The following ZNF469 variants were observed in gnomAD, a reference collection of about 807,000 sequenced individuals.
ZNF469 encodes zinc finger protein 469.
Under a neutral mutation model 1.0 loss-of-function variants are expected in ZNF469, and 1 was observed. The observed-to-expected ratio is 1.00, with a 90% CI of 0.35 to 4.73. ZNF469 has a LOEUF of 4.73. Ranked by LOEUF, ZNF469 falls within the 30% of genes most tolerant of loss-of-function variation. ZNF469 has a pLI of 0.16. For missense variants in ZNF469, 6,100 were observed against 5,356.3 expected (o/e 1.14, Z -4.33); for synonymous variants, 2,703 against 2,363.4 (o/e 1.14, Z -4.17).
chr16:88,148,837 A>G, the ZNF469 span, among the ~76,000 whole-genome samples: 27 of 152,258 alleles, frequency 1.8e-4, no homozygotes, highest in South Asian at 1.9e-3. Flanking sequence ...GGAGCTGAGC[A>G]TCCCCTTGTG....
chr16:88,390,158 C>T lies in ZNF469; in HGVS notation c.-192+6904C>T, dbSNP rs187229136. 9.5e-3 allele frequency among the ~76,000 whole-genome samples: 1,447 copies of T among 152,338 alleles called. 15 individuals carry two copies. The highest frequency in any genetic ancestry group is 0.016 in the Non-Finnish European group (1,107 of 68,020). On this transcript the variant is annotated intron_variant, in intron 1 of 2. Transcript: ENST00000565624. ...TGACTCCGGGAAACCCAGGACATCC[C>T]TGTGCTCTCCAGGCAGAGGGGCTCA...
At chr16:88,368,637 G>T in the ZNF469 span, among the ~76,000 whole-genome samples, 8 of 152,080 alleles carry the variant, frequency 5.3e-5, 1 homozygote, top group African/African-American at 9.6e-5. Context: ...GGTGTGGCTG[G>T]GAGGACATAG....
chr16:88,391,778 C>T (rs895631988), intron 1 of ZNF469, among the ~76,000 whole-genome samples: 37 of 152,340 alleles, frequency 2.4e-4, no homozygotes, highest in African/African-American at 7.9e-4. Flanking sequence ...CTGAACTTTT[C>T]TGTAACATCT....
the ZNF469 span, among the ~76,000 whole-genome samples, chr16:88,155,897 G>A: frequency 7.2e-5 from 11 of 152,298 alleles, no homozygotes; most frequent in East Asian, 1.9e-4. Context: ...TCATCGCCAC[G>A]TTCTCATCAG....
At chr16:88,296,376 A>G in the ZNF469 span, among the ~76,000 whole-genome samples, 1 of 152,060 alleles carries the variant, frequency 6.6e-6, no homozygotes, top group Non-Finnish European at 1.5e-5. Context: ...TCATGCACAC[A>G]TACACAGGTG....
the ZNF469 span, among the ~76,000 whole-genome samples, chr16:88,355,753 GGCGACA>G: frequency 6.6e-6 from 1 of 152,208 alleles, no homozygotes; most frequent in African/African-American, 2.4e-5. Flanking sequence ...GACCCAGCAT[GGCGACA>G]GCTCTGCAGA....
chr16:88,380,961 CAGACATGCACTCACACAT>C (rs2092521503), upstream of ZNF469, among the ~76,000 whole-genome samples: 1 of 146,934 alleles, frequency 6.8e-6, no homozygotes, highest in Non-Finnish European at 1.5e-5. Context: ...CCCTCACACA[CAGACATGCACTCACACAT>C]ATGCACTCAC....
At chr16:88,376,325 C>T in the ZNF469 span, among the ~76,000 whole-genome samples, 3 of 152,236 alleles carry the variant, frequency 2.0e-5, no homozygotes, top group Admixed American at 1.3e-4. Context: ...AGTGGCGATT[C>T]GGACTGCGGA....
chr16:88,376,477 G>C, the ZNF469 span, among the ~76,000 whole-genome samples: 1 of 152,146 alleles, frequency 6.6e-6, no homozygotes, highest in African/African-American at 2.4e-5. Context: ...CATTCCTTGG[G>C]CCCAGCCCGG....
Position 88,433,099 on chromosome 16 carries a change from C to T in ZNF469, c.5629C>T (p.Pro1877Ser), listed in dbSNP as rs1417157166. 1.3e-6 allele frequency: 2 copies of T among 1,550,320 alleles called. No individual in the cohort carries two copies. Among genetic ancestry groups the T allele is most frequent in the East Asian group, 4.9e-5 (2 of 40,916 alleles). Residue 1877 changes from proline to serine, a missense_variant, in exon 3 of 3, where the codon CCT (proline) becomes TCT (serine). Physicochemically the swap from Pro to Ser is moderately conservative, Grantham distance 74. Coordinates refer to ENST00000565624, the MANE Select transcript of ZNF469 (RefSeq NM_001367624.2). ...CCGGGGCAGGGAGGCTTGGTTGGTC[C>T]CTGTGCCAAGTCCCGCCTGTGTATC... ...APRGREAWLV[P>S]VPSPACVSNT... is the part of the protein sequence containing the mutation.
the ZNF469 span, among the ~76,000 whole-genome samples, chr16:88,140,762 C>T: frequency 6.6e-6 from 1 of 152,032 alleles, no homozygotes; most frequent in Middle Eastern, 3.2e-3. Context: ...CGAAACCCCA[C>T]CTCTACTAAA....
the ZNF469 span, among the ~76,000 whole-genome samples, chr16:88,369,477 TGAG>T: frequency 6.6e-6 from 1 of 152,132 alleles, no homozygotes; most frequent in Non-Finnish European, 1.5e-5. Context: ...CCAAGCCACA[TGAG>T]GAGAATATGG....
chr16:88,196,038 G>T, the ZNF469 span, among the ~76,000 whole-genome samples: 6 of 152,208 alleles, frequency 3.9e-5, no homozygotes, highest in African/African-American at 1.4e-4. Flanking sequence ...GTAATGTTCT[G>T]TTTTTCCTGG....
the ZNF469 span, among the ~76,000 whole-genome samples, chr16:88,204,206 T>C: frequency 4.1e-5 from 6 of 147,038 alleles, no homozygotes; most frequent in Admixed American, 1.4e-4. Context: ...CGTAACCTCA[T>C]AGAGAAGCGG....
chr16:88,232,325 C>A, the ZNF469 span, among the ~76,000 whole-genome samples: 1 of 152,146 alleles, frequency 6.6e-6, no homozygotes, highest in Non-Finnish European at 1.5e-5. Flanking sequence ...TAAAAACCTC[C>A]CCCACCCAAT....
chr16:88,382,172 G>A (rs2092526999), upstream of ZNF469, among the ~76,000 whole-genome samples: 1 of 152,252 alleles, frequency 6.6e-6, no homozygotes, highest in Non-Finnish European at 1.5e-5. Context: ...CCTGCCCTTG[G>A]AGGAGGCCCA....
the ZNF469 span, among the ~76,000 whole-genome samples, chr16:88,333,111 C>T: frequency 1.3e-5 from 2 of 152,236 alleles, no homozygotes; most frequent in Non-Finnish European, 1.5e-5. Flanking sequence ...CATGTGCCCA[C>T]TGCCCATGCT....
the ZNF469 span, among the ~76,000 whole-genome samples, chr16:88,192,500 G>C: frequency 1.3e-5 from 2 of 152,184 alleles, no homozygotes; most frequent in Non-Finnish European, 1.5e-5. Flanking sequence ...GGGGTCACAA[G>C]TGTCTCTACA....
At chr16:88,425,020 C>T (rs1905639769) in intron 2 of ZNF469, among the ~76,000 whole-genome samples, 149 bp downstream of exon 2, 1 of 152,150 alleles carries the variant, frequency 6.6e-6, no homozygotes, top group African/African-American at 2.4e-5. Flanking sequence ...AGAGCCGACT[C>T]CTGGGGCCCG....
Sources: allele counts gnomAD v4.1 joint callset (sites outside exome capture counted in the v4.1 genomes callset), GRCh38; gene constraint gnomAD v4.1.1; transcripts MANE v1.5; gene names NCBI Gene and HGNC (gene_info 2026-07-23, HGNC 2026-07-21).